Variants in SEMA4A observed in about 807,000 individuals in gnomAD.
SEMA4A encodes the protein semaphorin-4A.
A neutral mutation model predicts 72.5 loss-of-function variants in SEMA4A; 52 were observed. That is an observed-to-expected ratio of 0.72 (90% CI 0.57 to 0.90). The LOEUF (loss-of-function observed/expected upper bound fraction) is 0.90, where lower values mean the gene tolerates loss of function less well. Among genes scored for constraint, SEMA4A ranks in the 40% least tolerant of loss-of-function variants. The pLI, the probability that SEMA4A is intolerant of heterozygous loss-of-function variation, is 0.00. For missense variants in SEMA4A, 926 were observed against 959.7 expected (o/e 0.96, Z 0.46); for synonymous variants, 369 against 393.1 (o/e 0.94, Z 0.73).
At chr1:156,160,705 C>T (rs1653509273) in intron 7 of SEMA4A, 146 bp downstream of exon 7, 3 of 1,038,506 alleles carry the variant, frequency 2.9e-6, no homozygotes, top group Non-Finnish European at 2.9e-6. Flanking sequence ...AGCTCCGGTT[C>T]TCTTGAAGCT....
At chr1:156,175,738 T>G (rs1411211673) in intron 14 of SEMA4A, 82 bp downstream of exon 14, 1 of 986,952 alleles carries the variant, frequency 1.0e-6, no homozygotes, top group Non-Finnish European at 1.6e-6. Context: ...TGCTCCAATT[T>G]CCTCCCCCAG....
At chr1:156,172,596 C>A (rs1412613259) in intron 10 of SEMA4A, among the ~76,000 whole-genome samples, 1 of 152,136 alleles carries the variant, frequency 6.6e-6, no homozygotes, top group African/African-American at 2.4e-5. Context: ...ATTTTCCCAG[C>A]GAGCCTATGA....
At chr1:156,149,744 A>G (rs1652386267), upstream of SEMA4A, 1 of 152,312 alleles carries the variant, frequency 6.6e-6, no homozygotes, top group South Asian at 2.1e-4. Flanking sequence ...AGGTGGTGAC[A>G]TGTGCACGGT....
intron 10 of SEMA4A, among the ~76,000 whole-genome samples, chr1:156,169,407 C>CTTTTTTTTT (rs766983966): frequency 1.6e-4 from 14 of 85,294 alleles, no homozygotes; most frequent in East Asian, 3.1e-4. Context: ...CTTTTCTTTT[C>CTTTTTTTTT]TTTTTTTTTT....
upstream of SEMA4A, chr1:156,153,399 G>T (rs1652707178): frequency 6.6e-6 from 1 of 152,258 alleles, no homozygotes; most frequent in African/African-American, 2.4e-5. Context: ...GGGAATCGCT[G>T]AAATGACCTA....
At chr1:156,152,598 A>G (rs1301466977), upstream of SEMA4A, among the ~76,000 whole-genome samples, 2 of 152,126 alleles carry the variant, frequency 1.3e-5, no homozygotes, top group Non-Finnish European at 2.9e-5. Flanking sequence ...GACAGAAACG[A>G]TTGTCAGGCA....
Position 156,176,866 on chromosome 1 carries a change from TGTGAGA to T in SEMA4A, c.2156_2161del (p.Cys719_Thr721delinsSer). ...CCGGGCTCGGGGCAAGGTTCAGGGC[TGTGAGA>T]CCCTGCGCCCTGGGGAGAAGGCCCC... On this transcript the variant is annotated inframe_deletion, in exon 15 of 15. Transcript: ENST00000368285. 1 of 1,614,248 alleles carries T rather than the reference TGTGAGA, an allele frequency of 6.2e-7. No homozygotes were observed. Among genetic ancestry groups the T allele is most frequent in the South Asian group, 1.1e-5 (1 of 91,090 alleles).
rs762991816 is a variant in SEMA4A, at chr1:156,176,586, G to C, written c.1875G>C (p.Trp625Cys). The change falls in exon 15 of 15, where the codon TGG becomes TGC. Residue 625 changes from tryptophan to cysteine, a missense_variant. Transcript: ENST00000368285. ...QDGVGGLYQC[W>C]ATENGFSYPV... The stretch of plus-strand genomic sequence containing the variant: ...GAGTTGGGGGTCTCTACCAGTGCTG[G>C]GCAACTGAGAATGGCTTTTCATACC... 2 of 1,614,122 alleles carry C rather than the reference G, an allele frequency of 1.2e-6. No individual in the cohort carries two copies. The highest frequency in any genetic ancestry group is 1.7e-6 in the Non-Finnish European group (2 of 1,180,028).
In SEMA4A at chr1:156,158,127, A is replaced by T. The variant is rs200832068; in HGVS notation, c.358A>T (p.Asn120Tyr). The change falls in exon 4 of 15, where the codon AAT (asparagine) becomes TAT (tyrosine). Residue 120 changes from asparagine (N) to tyrosine (Y), a missense_variant. Transcript: ENST00000368285. Reference protein sequence around the residue: ...KSECAFKKKSNETQCFNFIRV... With the variant: ...KSECAFKKKSYETQCFNFIRV... ...TGAATGTGCCTTTAAGAAGAAGAGC[A>T]ATGAGGTAAGTGGAGGTGGGGGAGT... The T allele has an allele frequency of 1.9e-6, 3 of 1,614,140 alleles. No individual in the cohort carries two copies. In the East Asian group the frequency reaches 6.7e-5, roughly 36 times the overall value.
At chr1:156,156,328 C>A in intron 2 of SEMA4A, 86 bp from the exon 3 acceptor site, 8 of 1,350,218 alleles carry the variant, frequency 5.9e-6, no homozygotes, top group South Asian at 1.2e-5. Context: ...CTCAGGCAAC[C>A]CTTCCCCTTC....
intron 10 of SEMA4A, among the ~76,000 whole-genome samples, chr1:156,165,741 A>G (rs1465154517): frequency 1.3e-5 from 2 of 151,174 alleles, no homozygotes; most frequent in Non-Finnish European, 2.9e-5. Flanking sequence ...CTGGAATCTT[A>G]TAGTGCTTTT....
At chr1:156,167,010 C>T (rs1238200058) in intron 10 of SEMA4A, among the ~76,000 whole-genome samples, 2 of 151,946 alleles carry the variant, frequency 1.3e-5, no homozygotes. Flanking sequence ...AAGTGATCCT[C>T]CTACCTCAGC....
intron 10 of SEMA4A, among the ~76,000 whole-genome samples, chr1:156,172,515 G>A (rs1053400399): frequency 6.6e-6 from 1 of 152,198 alleles, no homozygotes; most frequent in Non-Finnish European, 1.5e-5. Flanking sequence ...AGTAATAACA[G>A]TTAACATTTG....
chr1:156,154,484 T>C, intron 1 of SEMA4A, 66 bp from the exon 2 acceptor site: 1 of 1,432,758 alleles, frequency 7.0e-7, no homozygotes, highest in Non-Finnish European at 9.5e-7. Flanking sequence ...GGCTCTCCTA[T>C]TGGTCCTCGG....
At chr1:156,160,682 G>A in intron 7 of SEMA4A, 123 bp downstream of exon 7, 1 of 1,052,634 alleles carries the variant, frequency 9.5e-7, no homozygotes, top group Non-Finnish European at 1.4e-6. Flanking sequence ...GTATATGGCA[G>A]GGAAGAAGGC....
At chr1:156,160,845 C>T (rs1653523648) in intron 7 of SEMA4A, 60 bp from the exon 8 acceptor site, 2 of 1,610,880 alleles carry the variant, frequency 1.2e-6, no homozygotes, top group Admixed American at 1.7e-5. Flanking sequence ...GGTTTTCACT[C>T]AGGCAAACCC....
At chr1:156,153,487 G>A (rs535367973), upstream of SEMA4A, 16 of 152,316 alleles carry the variant, frequency 1.1e-4, no homozygotes, top group African/African-American at 3.4e-4. Context: ...GTGGGTGAAC[G>A]TCTTTTTATT....
intron 10 of SEMA4A, among the ~76,000 whole-genome samples, chr1:156,170,281 T>C (rs952552198): frequency 1.3e-5 from 2 of 151,436 alleles, no homozygotes; most frequent in African/African-American, 4.9e-5. Context: ...CTGGCCAACA[T>C]GTTGAAACCC....
chr1:156,169,483 G>T (rs369921133), intron 10 of SEMA4A, among the ~76,000 whole-genome samples: 39 of 142,430 alleles, frequency 2.7e-4, no homozygotes, highest in African/African-American at 1.0e-3. Context: ...GCAGTGGTGC[G>T]ATCTCGGCTC....
Sources: allele counts gnomAD v4.1 joint callset (sites outside exome capture counted in the v4.1 genomes callset), GRCh38; gene constraint gnomAD v4.1.1; transcripts MANE v1.5; gene names NCBI Gene and HGNC (gene_info 2026-07-23, HGNC 2026-07-21).